CSMD3: variants seen among roughly 807,000 people sequenced by gnomAD.
CSMD3 encodes the protein CUB and sushi domain-containing protein 3.
A neutral mutation model predicts 435.2 loss-of-function variants in CSMD3; 177 were observed. The observed-to-expected ratio is 0.41, with a 90% CI of 0.36 to 0.46. The LOEUF (loss-of-function observed/expected upper bound fraction) is 0.46, where lower values mean the gene tolerates loss of function less well. Ranked by LOEUF, CSMD3 falls within the 20% of genes least tolerant of loss-of-function variation. The pLI is 0.34. For missense variants in CSMD3, 4,265 were observed against 4,504.6 expected, an observed-to-expected ratio of 0.95 and a Z score of 1.52; for synonymous variants, 1,656 against 1,520.5, an observed-to-expected ratio of 1.09 and a Z score of -2.07.
intron 61 of CSMD3, among the ~76,000 whole-genome samples, chr8:112,257,835 CAAG>C (rs1344602181): frequency 1.3e-5 from 2 of 152,092 alleles, no homozygotes; most frequent in Admixed American, 6.5e-5. Flanking sequence ...TAATCCTAAG[CAAG>C]AAGAACAAAA....
At chr8:112,681,677 C>T (rs2075898929) in intron 16 of CSMD3, among the ~76,000 whole-genome samples, 1 of 151,820 alleles carries the variant, frequency 6.6e-6, no homozygotes, top group Non-Finnish European at 1.5e-5. Flanking sequence ...ACCAGCCTGG[C>T]CAACATGGAA....
chr8:112,494,415 CTTTCTTTCTCTCTTTCTTTCTTTG>C (rs1821020404), intron 30 of CSMD3, among the ~76,000 whole-genome samples: 1 of 149,438 alleles, frequency 6.7e-6, no homozygotes, highest in Non-Finnish European at 1.5e-5. Flanking sequence ...CTTTTCTTTT[CTTTCTTTCTCTCTTTCTTTCTTTG>C]TTTTCTTTTG....
At chr8:112,944,658 A>G (rs2083550415) in intron 9 of CSMD3, among the ~76,000 whole-genome samples, 1 of 151,414 alleles carries the variant, frequency 6.6e-6, no homozygotes, top group Non-Finnish European at 1.5e-5. Context: ...CTTGTCAACA[A>G]CCTTCATGTT....
intron 51 of CSMD3, among the ~76,000 whole-genome samples, chr8:112,305,674 A>G (rs1255617938): frequency 2.0e-5 from 3 of 152,152 alleles, no homozygotes; most frequent in Non-Finnish European, 4.4e-5. Flanking sequence ...ATATAATTTT[A>G]TTAACACAGT....
intron 45 of CSMD3, among the ~76,000 whole-genome samples, chr8:112,321,513 G>T (rs773643944): frequency 6.6e-6 from 1 of 152,012 alleles, no homozygotes; most frequent in Non-Finnish European, 1.5e-5. Context: ...GAGAAAACTT[G>T]AACAAAAACT....
chr8:112,525,822 A>T (rs1395407395), intron 27 of CSMD3, among the ~76,000 whole-genome samples: 7 of 72,814 alleles, frequency 9.6e-5, no homozygotes, highest in Non-Finnish European at 1.8e-4. Context: ...ACACACATAT[A>T]AAAAATATAT....
chr8:112,821,271 A>C (rs534106554), intron 12 of CSMD3, among the ~76,000 whole-genome samples: 1 of 152,290 alleles, frequency 6.6e-6, no homozygotes, highest in African/African-American at 2.4e-5. Context: ...TCTTACCAGC[A>C]ATGTAAAATC....
chr8:112,776,817 G>A (rs866200530), intron 13 of CSMD3, among the ~76,000 whole-genome samples: 3 of 151,830 alleles, frequency 2.0e-5, no homozygotes, highest in Middle Eastern at 6.8e-3. Flanking sequence ...AAGGCTGTTT[G>A]AGAAACACAT....
At chr8:112,446,034 A>G (rs1247739133) in intron 32 of CSMD3, among the ~76,000 whole-genome samples, 1 of 152,224 alleles carries the variant, frequency 6.6e-6, no homozygotes, top group Non-Finnish European at 1.5e-5. Flanking sequence ...ATATTTTACA[A>G]AACTTAGAAT....
chr8:113,372,372 A>G (rs1212068671), intron 1 of CSMD3, among the ~76,000 whole-genome samples: 2 of 152,186 alleles, frequency 1.3e-5, no homozygotes, highest in East Asian at 3.9e-4. Flanking sequence ...CAGGGGATAA[A>G]TATGAGTTTT....
rs118071451 is a variant in CSMD3, at chr8:113,069,342, T to C, written c.917+29414A>G. 3.9e-5 allele frequency among the ~76,000 whole-genome samples: 6 copies of C among 152,252 alleles called. No individual in the cohort carries two copies. The East Asian group carries it at 1.2e-3, about 29-fold the overall frequency. On this transcript the variant is annotated intron_variant, in intron 5 of 70. Coordinates refer to ENST00000297405, the MANE Select transcript of CSMD3 (RefSeq NM_198123.2). ...CACTGTCTGCAAGTTTGGAACAACATGTCTTCTCTTTCAGTGCCCACTAAA... is the reference window on the plus strand; with the variant it reads ...CACTGTCTGCAAGTTTGGAACAACACGTCTTCTCTTTCAGTGCCCACTAAA...
intron 4 of CSMD3, among the ~76,000 whole-genome samples, chr8:113,101,877 GT>G (rs1343881610): frequency 2.0e-5 from 3 of 151,898 alleles, no homozygotes; most frequent in Non-Finnish European, 4.4e-5. Flanking sequence ...AAAAATTTTG[GT>G]TTGGTGTCCC....
chr8:113,070,267 T>A (rs1309663767), intron 5 of CSMD3, among the ~76,000 whole-genome samples: 4 of 152,010 alleles, frequency 2.6e-5, no homozygotes, highest in Non-Finnish European at 5.9e-5. Flanking sequence ...TTTCATATGG[T>A]CATTGTTGCT....
intron 5 of CSMD3, among the ~76,000 whole-genome samples, chr8:113,023,760 T>C (rs1036209476): frequency 2.0e-5 from 3 of 152,096 alleles, no homozygotes; most frequent in African/African-American, 7.2e-5. Flanking sequence ...CACCTGCACA[T>C]GTTCTCATCA....
intron 9 of CSMD3, among the ~76,000 whole-genome samples, chr8:112,940,395 A>G (rs947565371): frequency 6.6e-6 from 1 of 151,688 alleles, no homozygotes; most frequent in Non-Finnish European, 1.5e-5. Context: ...CTTTTCCTTT[A>G]TATCTTCCTA....
intron 3 of CSMD3, among the ~76,000 whole-genome samples, chr8:113,222,816 T>C (rs963312316): frequency 1.1e-4 from 17 of 151,070 alleles, no homozygotes; most frequent in African/African-American, 4.1e-4. Flanking sequence ...TTATAGACAA[T>C]TTGACATACT....
At chr8:112,682,680 T>A (rs1473147342) in intron 15 of CSMD3, 44 bp from the exon 16 acceptor site, 1 of 1,268,044 alleles carries the variant, frequency 7.9e-7, no homozygotes, top group African/African-American at 1.5e-5. Context: ...CAAACAACAT[T>A]AGCCAGAGAG....
Position 112,480,426 on chromosome 8 carries a change from C to A in CSMD3, c.5279-7719G>T, listed in dbSNP as rs985099735. Among the ~76,000 whole-genome samples the A allele has an allele frequency of 3.3e-5, 5 of 151,984 alleles. No homozygotes were observed. In the South Asian group the frequency reaches 8.3e-4, roughly 25 times the overall value. On this transcript the variant is annotated intron_variant, in intron 31 of 70. Transcript: ENST00000297405. ...TGAGAAGGATATAAGATATGAGGGGCCAGGGGCAGAATGATAGTGTTTGGA... is the reference window on the plus strand; with the variant it reads ...TGAGAAGGATATAAGATATGAGGGGACAGGGGCAGAATGATAGTGTTTGGA...
intron 31 of CSMD3, among the ~76,000 whole-genome samples, chr8:112,483,218 C>A (rs982309219): frequency 2.0e-5 from 3 of 152,124 alleles, no homozygotes. Context: ...AGGCTGGGCG[C>A]GGTGGCTCAC....
Sources: allele counts gnomAD v4.1 joint callset (sites outside exome capture counted in the v4.1 genomes callset), GRCh38; gene constraint gnomAD v4.1.1; transcripts MANE v1.5; gene names NCBI Gene and HGNC (gene_info 2026-07-23, HGNC 2026-07-21).